The following SLCO1C1 variants were observed in gnomAD, a reference collection of about 807,000 sequenced individuals.
SLCO1C1 encodes OAT-RP-5.
A neutral mutation model predicts 76.4 loss-of-function variants in SLCO1C1; 70 were observed. The observed-to-expected ratio is 0.92, with a 90% CI of 0.76 to 1.12. SLCO1C1 has a LOEUF of 1.12. SLCO1C1 is among the 50% of genes most tolerant of loss of function. The pLI is 0.00. For missense variants in SLCO1C1, 912 were observed against 823.8 expected (o/e 1.11, Z -1.31); for synonymous variants, 306 against 286.1 (o/e 1.07, Z -0.70).
Position 20,750,767 on chromosome 12 carries a change from A to G in SLCO1C1, c.1891A>G (p.Arg631Gly), listed in dbSNP as rs750473598. 1.1e-5 allele frequency: 17 copies of G among 1,613,916 alleles called. 1 individual carries two copies. The South Asian group carries it at 1.9e-4, about 18-fold the overall frequency. Residue 631 changes from arginine (R) to glycine (G), a missense_variant, in exon 14 of 15, where the codon AGA becomes GGA. Arg to Gly is a moderately radical substitution (Grantham distance 125). Transcript: ENST00000266509. The stretch of plus-strand genomic sequence containing the variant: ...AAGATGTGGAAGTAGAGGATCATGC[A>G]GATTATATGATTCAAATGTCTTCAG... ...FKRCGSRGSC[R>G]LYDSNVFRHI...
At chr12:20,698,365 G>T (rs528087236) in intron 1 of SLCO1C1, among the ~76,000 whole-genome samples, 2 of 151,950 alleles carry the variant, frequency 1.3e-5, no homozygotes, top group African/African-American at 4.8e-5. Context: ...CCAGACCCTT[G>T]TCTCATCCTT....
Position 20,739,180 on chromosome 12 carries a change from C to T in SLCO1C1, c.1549-1004C>T, listed in dbSNP as rs1296113288. The stretch of plus-strand genomic sequence containing the variant: ...CCTCAAATTGTTCCCATTTACTTAA[C>T]TAAGTTTTATCAAATGCCTAAAATG... On this transcript the variant is annotated intron_variant, in intron 11 of 14. Coordinates refer to ENST00000266509, the MANE Select transcript of SLCO1C1 (RefSeq NM_017435.5). 3.3e-5 allele frequency among the ~76,000 whole-genome samples: 5 copies of T among 152,256 alleles called. No individual in the cohort carries two copies. The East Asian group carries it at 9.6e-4, about 29-fold the overall frequency.
intron 5 of SLCO1C1, among the ~76,000 whole-genome samples, chr12:20,714,276 G>A (rs1947265297): frequency 6.6e-6 from 1 of 152,150 alleles, no homozygotes; most frequent in Non-Finnish European, 1.5e-5. Context: ...AAAAATGCCT[G>A]CAAAGCACTT....
At chr12:20,726,784 T>G (rs1948024563) in intron 9 of SLCO1C1, among the ~76,000 whole-genome samples, 1 of 152,152 alleles carries the variant, frequency 6.6e-6, no homozygotes, top group African/African-American at 2.4e-5. Context: ...TGCTGAGGTT[T>G]AGGGTATGAC....
intron 14 of SLCO1C1, among the ~76,000 whole-genome samples, chr12:20,751,128 T>A (rs1949284898): frequency 6.6e-6 from 1 of 152,092 alleles, no homozygotes; most frequent in South Asian, 2.1e-4. Context: ...TTAGGTCACA[T>A]TTTGGGTTTG....
intron 13 of SLCO1C1, among the ~76,000 whole-genome samples, chr12:20,749,670 G>C (rs1949205790): frequency 6.6e-6 from 1 of 152,186 alleles, no homozygotes; most frequent in South Asian, 2.1e-4. Flanking sequence ...TCCCTAAGGA[G>C]GGATTAAATT....
At chr12:20,722,452 G>A (rs2203494) in intron 8 of SLCO1C1, among the ~76,000 whole-genome samples, 39,356 of 152,172 alleles carry the variant, frequency 0.26, 5,462 homozygotes, top group African/African-American at 0.33. Flanking sequence ...TCAAAGGGGT[G>A]AGTGTTCTGT....
chr12:20,705,235 A>C (rs1466204893), intron 3 of SLCO1C1, among the ~76,000 whole-genome samples: 1 of 151,980 alleles, frequency 6.6e-6, no homozygotes, highest in Admixed American at 6.6e-5. Flanking sequence ...TTTCAAAAAA[A>C]CCCAATATTT....
Position 20,699,465 on chromosome 12 carries a change from A to G in SLCO1C1, c.-25-87A>G, listed in dbSNP as rs1333846033. 3 of 1,088,344 alleles carry G rather than the reference A, an allele frequency of 2.8e-6. No individual in the cohort carries two copies. The East Asian group carries it at 8.9e-5, about 32-fold the overall frequency. 67.4% of individuals were successfully genotyped at this position (1,088,344 alleles called of 1,614,324 possible). A position where few individuals can be genotyped will look rare whatever the true frequency, so the allele number is the denominator to read the frequency against. ...GGTAGATTCACTTTAAATTGCGTCT[A>G]TAGAATTGTGGTATACTGTTGAATA... On this transcript the variant is annotated intron_variant, in intron 1 of 14. Coordinates refer to ENST00000266509, the MANE Select transcript of SLCO1C1 (RefSeq NM_017435.5).
At chr12:20,725,896 T>C (rs1311164634) in intron 9 of SLCO1C1, among the ~76,000 whole-genome samples, 1 of 152,052 alleles carries the variant, frequency 6.6e-6, no homozygotes, top group Non-Finnish European at 1.5e-5. Context: ...CCTAAAACTC[T>C]ATTCTTCAAA....
In SLCO1C1 at chr12:20,705,921, T is replaced by C. The variant is rs796840888; in HGVS notation, c.272-28T>C. 7 of 1,608,830 alleles carry C rather than the reference T, an allele frequency of 4.4e-6. No homozygotes were observed. The African/African-American group carries it at 8.0e-5, about 18-fold the overall frequency. ...TTGACTTCTTTCTAAGTTCTCTAAT[T>C]TATGATGTTTTATTCTTTTCCTCAA... On this transcript the variant is annotated intron_variant, in intron 3 of 14. Coordinates refer to ENST00000266509, the MANE Select transcript of SLCO1C1 (RefSeq NM_017435.5).
chr12:20,738,843 A>C (rs764698931), intron 11 of SLCO1C1, among the ~76,000 whole-genome samples: 35 of 152,166 alleles, frequency 2.3e-4, no homozygotes, highest in Non-Finnish European at 4.4e-4. Context: ...ACTGAGATAC[A>C]AAGGACTTGC....
chr12:20,749,322 G>A (rs1467045828), intron 13 of SLCO1C1, among the ~76,000 whole-genome samples: 2 of 152,188 alleles, frequency 1.3e-5, no homozygotes, highest in African/African-American at 4.8e-5. Flanking sequence ...GGAAACGAGT[G>A]ATGTAGGCAG....
At chr12:20,728,585 T>C (rs1948132667) in intron 9 of SLCO1C1, among the ~76,000 whole-genome samples, 1 of 151,718 alleles carries the variant, frequency 6.6e-6, no homozygotes, top group South Asian at 2.1e-4. Flanking sequence ...GAAGGAAAGT[T>C]GCTTATAAAA....
intron 9 of SLCO1C1, among the ~76,000 whole-genome samples, chr12:20,726,034 T>A (rs1379327911): frequency 6.6e-6 from 1 of 152,066 alleles, no homozygotes; most frequent in African/African-American, 2.4e-5. Context: ...CATTAGTAAG[T>A]ATGGGGTGCA....
rs995142963 is a variant in SLCO1C1, at chr12:20,743,363, G to A, written c.1792G>A (p.Val598Ile). 1.2e-6 allele frequency: 2 copies of A among 1,612,094 alleles called. No individual in the cohort carries two copies. Among genetic ancestry groups the A allele is most frequent in the Non-Finnish European group, 1.7e-6 (2 of 1,178,844 alleles). ...ALGIYTLAIR[V>I]LAGIPAPVYF... Reference sequence around the variant, plus strand: ...GGGTATCTACACATTAGCAATAAGAGTTCTTGGTAAGTTTAACCTATGCTT... The same window carrying A: ...GGGTATCTACACATTAGCAATAAGAATTCTTGGTAAGTTTAACCTATGCTT... Residue 598 changes from valine (V) to isoleucine (I), a missense_variant, in exon 13 of 15, where the codon GTT becomes ATT. Physicochemically the swap from Val to Ile is conservative, Grantham distance 29. Transcript: ENST00000266509.
intron 3 of SLCO1C1, among the ~76,000 whole-genome samples, chr12:20,704,501 ATACTT>A (rs1946683786): frequency 6.6e-6 from 1 of 151,840 alleles, no homozygotes; most frequent in Non-Finnish European, 1.5e-5. Flanking sequence ...CTTCTACTAA[ATACTT>A]AAATTTCAAA....
At chr12:20,717,747 C>CTGG (rs530814383) in intron 7 of SLCO1C1, among the ~76,000 whole-genome samples, 77 of 130,098 alleles carry the variant, frequency 5.9e-4, no homozygotes, top group Non-Finnish European at 1.1e-3. Context: ...TCGAGGAAGA[C>CTGG]TGGCTTTTCT....
At chr12:20,744,496 A>G (rs1346969655) in intron 13 of SLCO1C1, among the ~76,000 whole-genome samples, 1 of 152,144 alleles carries the variant, frequency 6.6e-6, no homozygotes, top group Non-Finnish European at 1.5e-5. Flanking sequence ...CAAGCAACAA[A>G]GTAGAAAAAT....
Sources: gnomAD v4.1 joint callset for allele counts (sites outside exome capture counted in the v4.1 genomes callset) on GRCh38, gnomAD v4.1.1 for gene constraint, MANE v1.5 for transcripts, NCBI Gene and HGNC (gene_info 2026-07-23, HGNC 2026-07-21) for gene names.